The following CHRDL1 variants were observed in gnomAD, a reference collection of about 807,000 sequenced individuals.
The protein encoded by CHRDL1 is chordin-like protein 1.
CHRDL1 carries 19 observed loss-of-function variants against 40.9 expected under a neutral mutation model. The observed-to-expected ratio is 0.46, with a 90% confidence interval of 0.32 to 0.68. The LOEUF (loss-of-function observed/expected upper bound fraction) is 0.68, where lower values mean the gene tolerates loss of function less well. Among genes scored for constraint, CHRDL1 ranks in the 30% least tolerant of loss-of-function variants. The pLI is 0.03. For missense variants in CHRDL1, 329 were observed against 352.1 expected (o/e 0.93, Z 0.53); for synonymous variants, 136 against 123.4 (o/e 1.10, Z -0.68).
At chrX:110,690,284 G>A (rs891939587) in intron 8 of CHRDL1, among the ~76,000 whole-genome samples, 9 of 105,696 alleles carry the variant, frequency 8.5e-5, no homozygotes, top group Admixed American at 3.2e-4. Flanking sequence ...TCCTGACCTC[G>A]TGATCCGCCT....
intron 6 of CHRDL1, among the ~76,000 whole-genome samples, chrX:110,702,540 T>G (rs1313903907): frequency 1.8e-5 from 2 of 111,562 alleles, no homozygotes; most frequent in African/African-American, 6.5e-5. Flanking sequence ...ACACCAAAAC[T>G]CTAGGTTACC....
At chrX:110,731,768 TAGAG>T (rs1329688722) in intron 4 of CHRDL1, among the ~76,000 whole-genome samples, 8 of 110,535 alleles carry the variant, frequency 7.2e-5, no homozygotes, top group Admixed American at 1.9e-4. Flanking sequence ...GGCAAATCCA[TAGAG>T]AGAGAAAGAA....
intron 9 of CHRDL1, 48 bp downstream of exon 9, chrX:110,688,546 T>G (rs768557224): frequency 1.1e-6 from 1 of 880,717 alleles, no homozygotes; most frequent in Admixed American, 2.2e-5. Flanking sequence ...TTAGAAAGAC[T>G]AGGTGAGAAT....
At chrX:110,787,939 A>T (rs188752445) in intron 2 of CHRDL1, among the ~76,000 whole-genome samples, 1 of 112,708 alleles carries the variant, frequency 8.9e-6, no homozygotes, top group Admixed American at 9.4e-5. Context: ...TCAATAGTTC[A>T]TTACCTAAGT....
At chrX:110,788,044 A>C (rs1256819158) in intron 2 of CHRDL1, among the ~76,000 whole-genome samples, 2 of 112,524 alleles carry the variant, frequency 1.8e-5, no homozygotes, top group African/African-American at 6.5e-5. Context: ...ACTTCAAAAG[A>C]GTTTCCTGGC....
intron 4 of CHRDL1, among the ~76,000 whole-genome samples, chrX:110,733,663 T>C (rs2071209151): frequency 9.0e-6 from 1 of 111,128 alleles, no homozygotes; most frequent in Non-Finnish European, 1.9e-5. Context: ...ATCCCAGCAC[T>C]TTGGGAGGCT....
intron 4 of CHRDL1, among the ~76,000 whole-genome samples, chrX:110,742,840 T>A (rs966087093): frequency 3.6e-5 from 4 of 111,356 alleles, no homozygotes; most frequent in Admixed American, 1.9e-4. Context: ...TGAAAAAAAA[T>A]ATCTTTTCAA....
chrX:110,744,961 TCACA>T lies in CHRDL1; in HGVS notation c.301+14696_301+14699del, dbSNP rs530325738. Among the ~76,000 whole-genome samples the T allele has an allele frequency of 6.2e-3, 525 of 84,451 alleles. 2 individuals carry two copies. Among genetic ancestry groups the T allele is most frequent in the Non-Finnish European group, 6.9e-3 (325 of 47,206 alleles). 73.3% of individuals were successfully genotyped at this position (84,451 alleles called of 115,157 possible). ...TGTCCCATTTCTCCCTCTCTCTCAT[TCACA>T]CACACACACACACACACACACACAC... On this transcript the variant is annotated intron_variant, in intron 4 of 11. Transcript: ENST00000372042.
chrX:110,768,799 TCTTTGCTC>T (rs1490986474), intron 2 of CHRDL1, among the ~76,000 whole-genome samples: 1 of 111,046 alleles, frequency 9.0e-6, no homozygotes, highest in Non-Finnish European at 1.9e-5. Context: ...ACTAATGGCT[TCTTTGCTC>T]CTCAACTTGC....
intron 4 of CHRDL1, among the ~76,000 whole-genome samples, chrX:110,736,680 C>A (rs1427974655): frequency 9.0e-6 from 1 of 111,708 alleles, no homozygotes; most frequent in African/African-American, 3.3e-5. Context: ...GATTGAGAAT[C>A]ACTGCACATG....
chrX:110,772,075 G>A (rs960695719), intron 2 of CHRDL1, among the ~76,000 whole-genome samples: 4 of 83,966 alleles, frequency 4.8e-5, no homozygotes, highest in African/African-American at 1.2e-4. Context: ...TAAGATCTTC[G>A]CTTAGAAAGC....
At chrX:110,701,703 A>G (rs762249331) in intron 6 of CHRDL1, among the ~76,000 whole-genome samples, 105 of 111,391 alleles carry the variant, frequency 9.4e-4, no homozygotes, top group African/African-American at 3.0e-3. Flanking sequence ...AGTCCCAGCT[A>G]CTTGGGAGGC....
chrX:110,736,356 G>T (rs763036008), intron 4 of CHRDL1, among the ~76,000 whole-genome samples: 1 of 112,114 alleles, frequency 8.9e-6, no homozygotes, highest in East Asian at 2.8e-4. Flanking sequence ...ATTGCCATGG[G>T]ATGGTGACAA....
chrX:110,675,887 C>A lies in CHRDL1; in HGVS notation c.*344G>T. ...AACTCCTACTAAGCAATTCCCTTCT[C>A]TTTCTTTCACTTGAATAACTTTCTA... On this transcript the variant is annotated 3_prime_UTR_variant, in exon 12 of 12. Coordinates refer to ENST00000372042, the MANE Select transcript of CHRDL1 (RefSeq NM_001143981.2). The A allele has an allele frequency of 6.6e-6, 1 of 151,939 alleles. No homozygotes were observed. 12.5% of individuals were successfully genotyped at this position (151,939 alleles called of 1,213,427 possible).
chrX:110,787,722 T>C (rs1404629147), intron 2 of CHRDL1, among the ~76,000 whole-genome samples: 2 of 112,238 alleles, frequency 1.8e-5, no homozygotes. Flanking sequence ...AATCTGAATA[T>C]TGGAAGCTTT....
intron 8 of CHRDL1, among the ~76,000 whole-genome samples, chrX:110,693,011 C>T (rs898824496): frequency 1.8e-5 from 2 of 112,072 alleles, no homozygotes; most frequent in Non-Finnish European, 3.8e-5. Context: ...TCCCTTTAAA[C>T]GAAACAAAAC....
intron 10 of CHRDL1, among the ~76,000 whole-genome samples, chrX:110,681,274 C>T (rs1569458737): frequency 8.9e-6 from 1 of 111,778 alleles, no homozygotes; most frequent in Non-Finnish European, 1.9e-5. Flanking sequence ...CTTTGGAAAC[C>T]CAAGGGTCAG....
intron 7 of CHRDL1, among the ~76,000 whole-genome samples, chrX:110,698,435 A>T (rs2070446166): frequency 8.9e-6 from 1 of 111,856 alleles, no homozygotes; most frequent in African/African-American, 3.3e-5. Flanking sequence ...TTCCATTACT[A>T]CAGATGCTAT....
chrX:110,714,270 GA>G (rs200211212), intron 6 of CHRDL1, among the ~76,000 whole-genome samples: 226 of 107,655 alleles, frequency 2.1e-3, no homozygotes, highest in African/African-American at 7.4e-3. Context: ...AGTATTTGGG[GA>G]AAAAAAAAGA....
Sources: allele counts gnomAD v4.1 joint callset (sites outside exome capture counted in the v4.1 genomes callset), GRCh38; gene constraint gnomAD v4.1.1; transcripts MANE v1.5; gene names NCBI Gene and HGNC (gene_info 2026-07-23, HGNC 2026-07-21).